Variants in EFCAB6 observed in about 807,000 individuals in gnomAD.
EFCAB6 encodes the protein EF-hand calcium-binding domain-containing protein 6.
In EFCAB6, 156 loss-of-function variants were observed where a neutral mutation model predicts 169.8. That is an observed-to-expected ratio of 0.92 (90% CI 0.81 to 1.05). The LOEUF is 1.05. Among genes scored for constraint, EFCAB6 ranks in the 50% least tolerant of loss-of-function variants. The probability of loss-of-function intolerance (pLI) is 0.00; values close to 1 mark genes in which losing one functional copy is unlikely to be tolerated. For synonymous variants in EFCAB6, 698 were observed against 676.4 expected, an observed-to-expected ratio of 1.03 and a Z score of -0.50; for missense variants, 1,800 against 1,829.1, an observed-to-expected ratio of 0.98 and a Z score of 0.29.
intron 26 of EFCAB6, among the ~76,000 whole-genome samples, chr22:43,555,375 C>T (rs1285782665): frequency 6.6e-6 from 1 of 152,220 alleles, no homozygotes; most frequent in African/African-American, 2.4e-5. Context: ...GAGCCCAGCC[C>T]TGGGGAGGGC....
intron 10 of EFCAB6, among the ~76,000 whole-genome samples, chr22:43,690,359 A>AAT: frequency 7.4e-6 from 1 of 134,984 alleles, no homozygotes; most frequent in Non-Finnish European, 1.7e-5. Context: ...AAAAAAAAAA[A>AAT]AAAAAAATTA....
intron 6 of EFCAB6, among the ~76,000 whole-genome samples, chr22:43,754,296 G>A (rs1276918776): frequency 6.6e-6 from 1 of 152,212 alleles, no homozygotes; most frequent in Non-Finnish European, 1.5e-5. Flanking sequence ...AAAACCTAAT[G>A]ATGAGGGCTT....
intron 10 of EFCAB6, 62 bp downstream of exon 10, chr22:43,711,413 T>C: frequency 6.9e-7 from 1 of 1,449,308 alleles, no homozygotes; most frequent in Non-Finnish European, 9.1e-7. Flanking sequence ...AACGAAGCTG[T>C]GCCTTATTCT....
intron 17 of EFCAB6, among the ~76,000 whole-genome samples, chr22:43,645,447 T>G (rs917006237): frequency 4.6e-5 from 7 of 152,210 alleles, no homozygotes; most frequent in South Asian, 2.1e-4. Context: ...ATTTAGAGAG[T>G]TGGACCACTA....
intron 6 of EFCAB6, among the ~76,000 whole-genome samples, chr22:43,751,958 T>C (rs111560625): frequency 0.019 from 2,866 of 152,254 alleles, 90 homozygotes; most frequent in African/African-American, 0.066. Flanking sequence ...TGCTCAGTGC[T>C]AGCTATTATT....
intron 23 of EFCAB6, among the ~76,000 whole-genome samples, chr22:43,591,975 G>T (rs2051589329): frequency 6.6e-6 from 1 of 152,142 alleles, no homozygotes; most frequent in South Asian, 2.1e-4. Flanking sequence ...TGTCTGATGG[G>T]CTCAGACTTG....
At chr22:43,678,316 C>T (rs540099030) in intron 12 of EFCAB6, among the ~76,000 whole-genome samples, 153 bp from the exon 13 acceptor site, 122 of 136,334 alleles carry the variant, frequency 8.9e-4, no homozygotes, top group Non-Finnish European at 1.7e-3. Flanking sequence ...ATGATCCTTA[C>T]ATAACATGAG....
intron 22 of EFCAB6, 41 bp from the exon 23 acceptor site, chr22:43,600,304 C>T: frequency 6.3e-7 from 1 of 1,598,502 alleles, no homozygotes; most frequent in South Asian, 1.1e-5. Flanking sequence ...TCTCAGTAGC[C>T]AGTAAGGTGT....
chr22:43,806,670 C>T (rs1055858911), intron 2 of EFCAB6, among the ~76,000 whole-genome samples: 2 of 152,198 alleles, frequency 1.3e-5, no homozygotes, highest in Admixed American at 6.5e-5. Context: ...GCTCCCAACA[C>T]ACCACGTAGT....
At position 43,543,549 on chromosome 22, in the gene EFCAB6, TG is replaced by T. The variant is rs199892633; in HGVS notation, c.3649-3193del. Reference sequence around the variant, plus strand: ...TCCACTGGGAACCTCACCCAGGCTCTGGGGGAGGGGAAGGATCGACATCCTT... The same window carrying T: ...TCCACTGGGAACCTCACCCAGGCTCTGGGGAGGGGAAGGATCGACATCCTT... On this transcript the variant is annotated intron_variant, in intron 27 of 31. Transcript: ENST00000262726. Among the ~76,000 whole-genome samples, 45 of 152,226 alleles carry T rather than the reference TG, an allele frequency of 3.0e-4. No individual in the cohort carries two copies. The East Asian group carries it at 7.7e-3, about 26-fold the overall frequency.
intron 30 of EFCAB6, among the ~76,000 whole-genome samples, chr22:43,534,446 A>C (rs1247080313): frequency 6.6e-6 from 1 of 152,176 alleles, no homozygotes; most frequent in Non-Finnish European, 1.5e-5. Context: ...AAAATGGACT[A>C]ATACATCCCA....
At chr22:43,574,645 C>CA (rs11287560) in intron 26 of EFCAB6, among the ~76,000 whole-genome samples, 6,439 of 138,454 alleles carry the variant, frequency 0.047, 188 homozygotes, top group African/African-American at 0.085. Flanking sequence ...TTTAAAATGA[C>CA]AAAAAAAAAA....
At chr22:43,700,103 T>C (rs1392581715) in intron 10 of EFCAB6, among the ~76,000 whole-genome samples, 1 of 152,236 alleles carries the variant, frequency 6.6e-6, no homozygotes, top group African/African-American at 2.4e-5. Context: ...ACCATGTTAG[T>C]CAAAGGGTCG....
chr22:43,789,333 G>A (rs1014860004), intron 2 of EFCAB6, among the ~76,000 whole-genome samples: 3 of 152,146 alleles, frequency 2.0e-5, no homozygotes, highest in Admixed American at 6.5e-5. Context: ...AGGAGGAAGG[G>A]GAAGACAGAG....
At chr22:43,616,002 C>T in intron 20 of EFCAB6, 80 bp from the exon 21 acceptor site, 1 of 1,207,058 alleles carries the variant, frequency 8.3e-7, no homozygotes, top group Non-Finnish European at 1.2e-6. Flanking sequence ...CCCTATCCCC[C>T]CTGTTTGTTT....
rs1417285432 is a variant in EFCAB6 at position 43,744,056 on chromosome 22, CATGG to C, written c.508-8067_508-8064del. 2.0e-5 allele frequency among the ~76,000 whole-genome samples: 3 copies of C among 148,878 alleles called. No individual in the cohort carries two copies. The highest frequency in any genetic ancestry group is 6.7e-5 in the Admixed American group (1 of 14,970). On this transcript the variant is annotated intron_variant, in intron 6 of 31. Coordinates refer to ENST00000262726, the MANE Select transcript of EFCAB6 (RefSeq NM_022785.4). The surrounding 1 kb of genome is among the most constrained non-coding windows in gnomAD (Gnocchi z 4.3). ...TGAATGAATGAATGGGTTATGGATG[CATGG>C]ATGGATGAACGGATGAATGGATGAA...
chr22:43,796,234 A>G (rs2062504971), intron 2 of EFCAB6, among the ~76,000 whole-genome samples: 1 of 152,090 alleles, frequency 6.6e-6, no homozygotes, highest in Admixed American at 6.6e-5. Context: ...CCTCGACCCC[A>G]TGACTGTTCA....
chr22:43,702,768 C>A (rs2058813544), intron 10 of EFCAB6, among the ~76,000 whole-genome samples: 1 of 152,170 alleles, frequency 6.6e-6, no homozygotes, highest in South Asian at 2.1e-4. Context: ...ACCTGCAAAG[C>A]TGAGCTAATA....
At chr22:43,648,401 C>A (rs554595768) in intron 17 of EFCAB6, among the ~76,000 whole-genome samples, 104 of 152,310 alleles carry the variant, frequency 6.8e-4, no homozygotes, top group African/African-American at 2.4e-3. Context: ...AAATCATGTC[C>A]TTTGCACAAC....
Sources: gnomAD v4.1 joint callset for allele counts (sites outside exome capture counted in the v4.1 genomes callset) on GRCh38, gnomAD v4.1.1 for gene constraint, Gnocchi (gnomAD v3.1) non-coding constraint, MANE v1.5 for transcripts, NCBI Gene and HGNC (gene_info 2026-07-23, HGNC 2026-07-21) for gene names.